Variants in GLIS3 observed in about 807,000 individuals in gnomAD.
The protein encoded by GLIS3 is zinc finger protein GLIS3.
In GLIS3, 53 loss-of-function variants were observed where a neutral mutation model predicts 78.6. That is an observed-to-expected ratio of 0.67 (90% confidence interval 0.54 to 0.85). The LOEUF (loss-of-function observed/expected upper bound fraction) is 0.85. Among genes scored for constraint, GLIS3 ranks in the 40% least tolerant of loss-of-function variants. The pLI is 0.00. For synonymous variants in GLIS3, 684 were observed against 509.9 expected (o/e 1.34, Z -4.60); for missense variants, 1,703 against 1,231.1 (o/e 1.38, Z -5.74).
chr9:4,218,341 C>T (rs137994270), intron 2 of GLIS3, among the ~76,000 whole-genome samples: 302 of 152,164 alleles, frequency 2.0e-3, no homozygotes, highest in Non-Finnish European at 3.8e-3. Context: ...TGCAGTGGTG[C>T]GATCTCGGCT....
At chr9:4,420,873 T>C in the GLIS3 span, among the ~76,000 whole-genome samples, 1 of 152,242 alleles carries the variant, frequency 6.6e-6, no homozygotes, top group Non-Finnish European at 1.5e-5. Context: ...AATTGTTATA[T>C]ATTTTCCCCA....
the GLIS3 span, among the ~76,000 whole-genome samples, chr9:4,449,928 G>A: frequency 6.6e-6 from 1 of 152,172 alleles, no homozygotes; most frequent in Non-Finnish European, 1.5e-5. Context: ...AAAAACCAGA[G>A]CGCCTCTTCT....
intron 4 of GLIS3, among the ~76,000 whole-genome samples, chr9:3,948,351 C>G (rs988759096): frequency 6.6e-6 from 1 of 152,160 alleles, no homozygotes; most frequent in East Asian, 1.9e-4. Flanking sequence ...CATTTTACCC[C>G]TTCTTCCTAT....
the GLIS3 span, among the ~76,000 whole-genome samples, chr9:4,430,187 C>A: frequency 1.3e-5 from 2 of 152,170 alleles, no homozygotes; most frequent in East Asian, 3.8e-4. Flanking sequence ...GCATTGGAAA[C>A]CACACCAAGC....
the GLIS3 span, among the ~76,000 whole-genome samples, chr9:4,383,883 C>G: frequency 7.2e-5 from 11 of 152,262 alleles, no homozygotes; most frequent in African/African-American, 2.4e-4. Context: ...ATGGGCTTCT[C>G]CTTGTCTAGA....
chr9:4,440,638 A>G, the GLIS3 span, among the ~76,000 whole-genome samples: 1 of 152,080 alleles, frequency 6.6e-6, no homozygotes, highest in African/African-American at 2.4e-5. Flanking sequence ...AATTGCTTTG[A>G]CTATTCAAGG....
At chr9:3,967,897 G>A (rs1027415821) in intron 4 of GLIS3, among the ~76,000 whole-genome samples, 2 of 152,200 alleles carry the variant, frequency 1.3e-5, no homozygotes, top group African/African-American at 4.8e-5. Context: ...TGGAGGCTCA[G>A]GAGGTGAGGA....
chr9:3,984,143 C>A (rs1819535596), intron 4 of GLIS3, among the ~76,000 whole-genome samples: 1 of 152,166 alleles, frequency 6.6e-6, no homozygotes, highest in South Asian at 2.1e-4. Flanking sequence ...GGAGCCCCCA[C>A]ACAAAGTCCC....
At chr9:3,895,875 A>G (rs1430753824) in intron 7 of GLIS3, among the ~76,000 whole-genome samples, 2 of 152,244 alleles carry the variant, frequency 1.3e-5, no homozygotes, top group African/African-American at 2.4e-5. Flanking sequence ...CTCCTATTCT[A>G]TGCTCATACA....
At chr9:4,000,652 G>A (rs1318370276) in intron 4 of GLIS3, among the ~76,000 whole-genome samples, 3 of 152,224 alleles carry the variant, frequency 2.0e-5, no homozygotes, top group Middle Eastern at 3.4e-3. Flanking sequence ...GCTGCTTACA[G>A]GACAAAATCT....
chr9:4,372,288 A>G, the GLIS3 span, among the ~76,000 whole-genome samples: 1 of 152,048 alleles, frequency 6.6e-6, no homozygotes, highest in Admixed American at 6.6e-5. Flanking sequence ...AACTTTTAAT[A>G]ACTTTATTTT....
intron 2 of GLIS3, among the ~76,000 whole-genome samples, chr9:4,315,865 G>C (rs925724697): frequency 2.0e-5 from 3 of 152,244 alleles, no homozygotes; most frequent in East Asian, 3.9e-4. Context: ...TCCAGGTATG[G>C]GGTTCTAGAA....
At chr9:4,059,695 T>C (rs1206958932) in intron 4 of GLIS3, among the ~76,000 whole-genome samples, 1 of 152,106 alleles carries the variant, frequency 6.6e-6, no homozygotes, top group African/African-American at 2.4e-5. Context: ...GCTACTTTCT[T>C]CTCACTCTGA....
intron 2 of GLIS3, among the ~76,000 whole-genome samples, chr9:4,317,190 G>C (rs1323497824): frequency 6.6e-6 from 1 of 152,214 alleles, no homozygotes; most frequent in African/African-American, 2.4e-5. Context: ...CATACTTTAA[G>C]TACCGGTCTT....
At chr9:4,400,293 C>T in the GLIS3 span, among the ~76,000 whole-genome samples, 2 of 152,160 alleles carry the variant, frequency 1.3e-5, no homozygotes, top group Admixed American at 1.3e-4. Context: ...ATAATACGGA[C>T]AAGAAATGAT....
At chr9:4,298,091 G>C (rs1816736985) in intron 1 of GLIS3, among the ~76,000 whole-genome samples, 1 of 152,120 alleles carries the variant, frequency 6.6e-6, no homozygotes, top group African/African-American at 2.4e-5. Flanking sequence ...ACTAGTGCCG[G>C]CTTCCTGTTG....
chr9:4,107,273 C>G (rs1242603544), intron 4 of GLIS3, among the ~76,000 whole-genome samples: 6 of 152,162 alleles, frequency 3.9e-5, no homozygotes, highest in Admixed American at 3.9e-4. Flanking sequence ...TTCACCAATA[C>G]TCGGTGTTTA....
intron 4 of GLIS3, among the ~76,000 whole-genome samples, chr9:4,053,930 C>T (rs1563990837): frequency 6.6e-6 from 1 of 152,156 alleles, no homozygotes; most frequent in African/African-American, 2.4e-5. Context: ...TTGCTTCAGG[C>T]TTTGAGTTTT....
intron 4 of GLIS3, among the ~76,000 whole-genome samples, chr9:3,963,634 C>T (rs1817726514): frequency 6.6e-6 from 1 of 152,180 alleles, no homozygotes; most frequent in South Asian, 2.1e-4. Flanking sequence ...GAAGTTTCCT[C>T]TTTGACTCTC....
Sources: gnomAD v4.1 joint callset for allele counts (sites outside exome capture counted in the v4.1 genomes callset) on GRCh38, gnomAD v4.1.1 for gene constraint, MANE v1.5 for transcripts, NCBI Gene and HGNC (gene_info 2026-07-23, HGNC 2026-07-21) for gene names.